The following ATM variants were observed in gnomAD, a reference collection of about 807,000 sequenced individuals.
ATM encodes the protein serine-protein kinase ATM.
A neutral mutation model predicts 387.0 loss-of-function variants in ATM; 308 were observed. That is an observed-to-expected ratio of 0.80 (90% confidence interval 0.73 to 0.87). The LOEUF (loss-of-function observed/expected upper bound fraction) is 0.87, where lower values mean the gene tolerates loss of function less well. Ranked by LOEUF, ATM falls within the 40% of genes least tolerant of loss-of-function variation. The pLI is 0.00. For synonymous variants in ATM, 1,156 were observed against 1,187.3 expected (o/e 0.97, Z 0.54); for missense variants, 3,312 against 3,560.9 (o/e 0.93, Z 1.78).
At position 108,325,555 on chromosome 11, in the gene ATM, T is replaced by C. The variant is rs748144204; in HGVS notation, c.6807+11T>C. 2 of 1,575,906 alleles carry C rather than the reference T, an allele frequency of 1.3e-6. No homozygotes were observed. Among genetic ancestry groups the C allele is most frequent in the African/African-American group, 2.7e-5 (2 of 74,274 alleles). On this transcript the variant is annotated intron_variant, in intron 46 of 62. Transcript: ENST00000675843. Reference sequence around the variant, plus strand: ...TTCAAGAACACTCAGGTAAATACAATTTAAAACTATGTCATCTTACCTCTT... The same window carrying C: ...TTCAAGAACACTCAGGTAAATACAACTTAAAACTATGTCATCTTACCTCTT...
rs1591178124 is a variant in ATM, at chr11:108,332,780, A to T, written c.7807A>T (p.Asn2603Tyr). 1 of 1,613,226 alleles carries T rather than the reference A, an allele frequency of 6.2e-7. No individual in the cohort carries two copies. The highest frequency in any genetic ancestry group is 2.2e-5 in the East Asian group (1 of 44,778). Residue 2603 changes from asparagine (N) to tyrosine (Y), a missense_variant, in exon 53 of 63, where the codon AAT becomes TAT. By Grantham distance (143) the Asn-to-Tyr change is moderately radical. This residue lies in a region of ATM where 1,405 missense variants were observed against 1,604.4 expected (regional missense o/e 0.88). Transcript: ENST00000675843. ...TTAATAGGATCGAACAGAGGCTGCA[A>T]ATAGAATAATATGTACTATCAGAAG... ...QLDEDRTEAA[N>Y]RIICTIRSRR...
intron 54 of ATM, 93 bp downstream of exon 54, chr11:108,334,061 G>T: frequency 9.8e-7 from 1 of 1,019,818 alleles, no homozygotes; most frequent in Non-Finnish European, 1.5e-6. Context: ...GGTCAAAATT[G>T]GTTAAATATT....
At chr11:108,362,473 C>T (rs1461590814) in intron 61 of ATM, among the ~76,000 whole-genome samples, 1 of 151,204 alleles carries the variant, frequency 6.6e-6, no homozygotes, top group African/African-American at 2.4e-5. Flanking sequence ...GACTATAAAT[C>T]ATGCTGCTAT....
At chr11:108,312,651 A>T (rs980320464) in intron 40 of ATM, among the ~76,000 whole-genome samples, 153 bp downstream of exon 40, 8 of 150,306 alleles carry the variant, frequency 5.3e-5, no homozygotes, top group African/African-American at 2.0e-4. Context: ...CTGAAGCTTA[A>T]GCCTTAGAGT....
intron 61 of ATM, among the ~76,000 whole-genome samples, chr11:108,363,958 G>A (rs988789442): frequency 6.6e-6 from 1 of 152,176 alleles, no homozygotes; most frequent in Non-Finnish European, 1.5e-5. Context: ...AACTGGTTTG[G>A]ATCTCTGAAA....
At chr11:108,248,863 G>C (rs2135287716) in intron 8 of ATM, 70 bp from the exon 9 acceptor site, 2 of 1,365,540 alleles carry the variant, frequency 1.5e-6, no homozygotes, top group Non-Finnish European at 2.0e-6. Flanking sequence ...ACTCCAACCT[G>C]GGCAACAACA....
intron 61 of ATM, among the ~76,000 whole-genome samples, chr11:108,364,182 C>A (rs1234743906): frequency 6.6e-6 from 1 of 152,142 alleles, no homozygotes; most frequent in Non-Finnish European, 1.5e-5. Flanking sequence ...TCCCAACCTG[C>A]AGATTTACTG....
Position 108,252,615 on chromosome 11 carries a change from A to G in ATM, c.1803-202A>G, listed in dbSNP as rs373156670. Among the ~76,000 whole-genome samples the G allele has an allele frequency of 3.9e-5, 6 of 152,328 alleles. No homozygotes were observed. In the East Asian group the frequency reaches 1.2e-3, roughly 29 times the overall value. The stretch of plus-strand genomic sequence containing the variant: ...GTTAAACATGCTGTTTCTAAACAGT[A>G]TTGGAAATGATAATAACAATGGTTG... On this transcript the variant is annotated intron_variant, in intron 11 of 62. Transcript: ENST00000675843.
At chr11:108,308,025 G>A (rs1239355530) in intron 38 of ATM, 41 bp downstream of exon 38, 1 of 1,543,622 alleles carries the variant, frequency 6.5e-7, no homozygotes, top group Non-Finnish European at 8.9e-7. Context: ...AGGATCTAGA[G>A]TGTAACTTGT....
At chr11:108,317,613 TTTTATATATATATA>T in intron 43 of ATM, 92 bp downstream of exon 43, 1 of 270,312 alleles carries the variant, frequency 3.7e-6, no homozygotes, top group African/African-American at 7.0e-5. Flanking sequence ...ACAGGAGTTG[TTTTATATATATATA>T]TATATATATA....
rs369084011 is a variant in ATM at position 108,333,105 on chromosome 11, AAATT to A, written c.7927+211_7927+214del. Among the ~76,000 whole-genome samples the A allele has an allele frequency of 3.1e-3, 478 of 152,348 alleles. 2 individuals are homozygous for A. Among genetic ancestry groups the A allele is most frequent in the African/African-American group, 0.011 (440 of 41,580 alleles). On this transcript the variant is annotated intron_variant, in intron 53 of 62. Transcript: ENST00000675843. ...AGAACTGGTAATAGGTGACTACACT[AAATT>A]AATTATTTGATTTCTTCTGATAATC...
At position 108,332,096 on chromosome 11, in the gene ATM, A is replaced by G. The variant is rs949346345; in HGVS notation, c.7788+59A>G. ...TGTGATATTCAGTCTTTCCTAGAAT[A>G]TTTCTTTTTAAAATCTTGTGTTATT... On this transcript the variant is annotated intron_variant, in intron 52 of 62. Transcript: ENST00000675843. 14 of 1,589,768 alleles carry G rather than the reference A, an allele frequency of 8.8e-6. No homozygotes were observed. The African/African-American group carries it at 1.9e-4, about 22-fold the overall frequency.
chr11:108,331,648 A>G, intron 51 of ATM, 91 bp downstream of exon 51: 1 of 1,417,336 alleles, frequency 7.1e-7, no homozygotes, highest in Non-Finnish European at 9.4e-7. Context: ...TCCCTCTAAG[A>G]AATGGAAATA....
At chr11:108,258,667 C>G (rs1343956131) in intron 15 of ATM, among the ~76,000 whole-genome samples, 1 of 152,102 alleles carries the variant, frequency 6.6e-6, no homozygotes, top group Non-Finnish European at 1.5e-5. Context: ...CAACATATTT[C>G]TTGGTTTTGT....
chr11:108,323,834 T>C (rs2136283638), intron 45 of ATM, among the ~76,000 whole-genome samples: 1 of 152,308 alleles, frequency 6.6e-6, no homozygotes, highest in East Asian at 1.9e-4. Flanking sequence ...TACATTCCAT[T>C]CATATACATC....
At chr11:108,327,393 C>T (rs534110415) in intron 47 of ATM, 359 of 429,488 alleles carry the variant, frequency 8.4e-4, no homozygotes, top group Non-Finnish European at 1.3e-3. Flanking sequence ...TACAAAGTGT[C>T]TGACATATAT....
At chr11:108,245,125 C>G in intron 7 of ATM, 99 bp downstream of exon 7, 2 of 938,230 alleles carry the variant, frequency 2.1e-6, no homozygotes, top group Non-Finnish European at 3.3e-6. Context: ...TGACTTTCCT[C>G]TGGATTTCTC....
intron 59 of ATM, 154 bp from the exon 60 acceptor site, chr11:108,353,612 A>G: frequency 1.6e-6 from 1 of 629,494 alleles, no homozygotes; most frequent in Non-Finnish European, 2.9e-6. Flanking sequence ...AAGATGAGGA[A>G]GGCAGCCAGA....
At chr11:108,271,879 T>G (rs940948672) in intron 20 of ATM, among the ~76,000 whole-genome samples, 2 of 152,224 alleles carry the variant, frequency 1.3e-5, no homozygotes, top group Non-Finnish European at 2.9e-5. Context: ...TTTTTGTGTT[T>G]TTTTGAGATG....
Sources: allele counts gnomAD v4.1 joint callset (sites outside exome capture counted in the v4.1 genomes callset), GRCh38; gene constraint gnomAD v4.1.1; regional missense constraint gnomAD v4.1.1; transcripts MANE v1.5; gene names NCBI Gene and HGNC (gene_info 2026-07-23, HGNC 2026-07-21).